PDSS2: variants seen among roughly 807,000 people sequenced by gnomAD.
The protein encoded by PDSS2 is decaprenyl diphosphate synthase subunit 2.
A neutral mutation model predicts 44.5 loss-of-function variants in PDSS2; 31 were observed. The ratio of observed to expected loss-of-function variants is 0.70; its 90% CI spans 0.52 to 0.94. The LOEUF (loss-of-function observed/expected upper bound fraction) is 0.94, where lower values mean the gene tolerates loss of function less well. Ranked by LOEUF, PDSS2 falls within the 40% of genes least tolerant of loss-of-function variation. PDSS2 has a pLI of 0.00. For synonymous variants in PDSS2, 157 were observed against 180.3 expected (o/e 0.87, Z 1.03); for missense variants, 452 against 482.2 (o/e 0.94, Z 0.59).
intron 7 of PDSS2, among the ~76,000 whole-genome samples, chr6:107,166,762 T>G (rs1771366630): frequency 6.6e-6 from 1 of 152,218 alleles, no homozygotes; most frequent in African/African-American, 2.4e-5. Flanking sequence ...TGGTTCTGTT[T>G]ATATGCTGGA....
chr6:107,455,183 A>ACT (rs1205175066), intron 1 of PDSS2, among the ~76,000 whole-genome samples: 11 of 150,290 alleles, frequency 7.3e-5, no homozygotes, highest in African/African-American at 2.7e-4. Flanking sequence ...AACAATTAGG[A>ACT]AAGTTTCAGA....
intron 7 of PDSS2, among the ~76,000 whole-genome samples, chr6:107,173,591 A>C (rs1055457989): frequency 1.3e-5 from 2 of 150,126 alleles, no homozygotes; most frequent in Non-Finnish European, 3.0e-5. Context: ...AAAAAAAAAA[A>C]AAAAAACGCT....
chr6:107,369,683 C>T (rs973709839), intron 1 of PDSS2, among the ~76,000 whole-genome samples: 2 of 152,034 alleles, frequency 1.3e-5, no homozygotes, highest in Non-Finnish European at 2.9e-5. Context: ...GGTGCCAGTA[C>T]CAATCTCCAT....
intron 7 of PDSS2, among the ~76,000 whole-genome samples, chr6:107,160,783 T>A (rs574123168): frequency 6.6e-6 from 1 of 151,918 alleles, no homozygotes; most frequent in East Asian, 1.9e-4. Context: ...TGAAAACAGA[T>A]CAGTATGAAA....
At chr6:107,223,141 G>A (rs1271555442) in intron 4 of PDSS2, among the ~76,000 whole-genome samples, 2 of 150,506 alleles carry the variant, frequency 1.3e-5, no homozygotes, top group African/African-American at 5.0e-5. Context: ...GCAGAGGCCA[G>A]GATGGTCTCG....
intron 7 of PDSS2, among the ~76,000 whole-genome samples, chr6:107,170,096 C>T (rs1403420663): frequency 6.6e-6 from 1 of 152,216 alleles, no homozygotes; most frequent in Non-Finnish European, 1.5e-5. Context: ...CAGAGGCAGG[C>T]AGGTCTCCTT....
intron 3 of PDSS2, among the ~76,000 whole-genome samples, chr6:107,269,485 T>C (rs970648401): frequency 6.6e-6 from 1 of 152,096 alleles, no homozygotes; most frequent in Non-Finnish European, 1.5e-5. Flanking sequence ...TTTGAGTTGT[T>C]ACTGTTTATA....
chr6:107,300,537 CAGGTGGT>C (rs1406562878), intron 2 of PDSS2, among the ~76,000 whole-genome samples: 1 of 152,118 alleles, frequency 6.6e-6, no homozygotes, highest in Admixed American at 6.6e-5. Flanking sequence ...CCCAACCCAT[CAGGTGGT>C]AAAAAGGGCT....
chr6:107,415,799 T>C lies in PDSS2; in HGVS notation c.296+43191A>G, dbSNP rs144936988. ...TGGAAGTAGTGCCACAGGTTGTTCCTTCTGCTATCAGTCTTAAGTGGTGGA... is the reference window on the plus strand; with the variant it reads ...TGGAAGTAGTGCCACAGGTTGTTCCCTCTGCTATCAGTCTTAAGTGGTGGA... On this transcript the variant is annotated intron_variant, in intron 1 of 7. Coordinates refer to ENST00000369037, the MANE Select transcript of PDSS2 (RefSeq NM_020381.4). 3.3e-3 allele frequency among the ~76,000 whole-genome samples: 506 copies of C among 152,324 alleles called. 3 individuals are homozygous for C. The highest frequency in any genetic ancestry group is 0.012 in the African/African-American group (486 of 41,562).
intron 2 of PDSS2, among the ~76,000 whole-genome samples, chr6:107,319,232 G>C (rs1777308238): frequency 6.6e-6 from 1 of 151,998 alleles, no homozygotes; most frequent in Admixed American, 6.6e-5. Flanking sequence ...TATACCTTCA[G>C]GGAGTGTAAA....
intron 2 of PDSS2, among the ~76,000 whole-genome samples, chr6:107,310,635 C>T (rs1349353808): frequency 3.3e-5 from 5 of 152,270 alleles, no homozygotes; most frequent in South Asian, 2.1e-4. Context: ...CATTTACTAC[C>T]GCTTTAAAAT....
At chr6:107,337,320 C>T (rs1468095235) in intron 1 of PDSS2, among the ~76,000 whole-genome samples, 1 of 152,034 alleles carries the variant, frequency 6.6e-6, no homozygotes, top group Non-Finnish European at 1.5e-5. Flanking sequence ...GGATTTGATC[C>T]CAGGCCAACA....
intron 2 of PDSS2, among the ~76,000 whole-genome samples, chr6:107,282,620 C>T (rs989573423): frequency 1.3e-5 from 2 of 151,582 alleles, no homozygotes; most frequent in Non-Finnish European, 2.9e-5. Flanking sequence ...AATCCCAGCA[C>T]TTTGGGAGGC....
chr6:107,409,719 A>C (rs1218886945), intron 1 of PDSS2, among the ~76,000 whole-genome samples: 1 of 152,206 alleles, frequency 6.6e-6, no homozygotes, highest in Non-Finnish European at 1.5e-5. Flanking sequence ...AACTCATGTA[A>C]TCCTCACTAT....
intron 6 of PDSS2, among the ~76,000 whole-genome samples, chr6:107,209,975 T>TCCCC (rs890651477): frequency 1.7e-4 from 26 of 151,860 alleles, no homozygotes; most frequent in African/African-American, 6.0e-4. Context: ...CATGCTTTTT[T>TCCCC]CCCCCCCGCT....
chr6:107,422,706 CAT>C (rs1462593352), intron 1 of PDSS2, among the ~76,000 whole-genome samples: 14 of 152,118 alleles, frequency 9.2e-5, no homozygotes, highest in African/African-American at 1.4e-4. Flanking sequence ...AAAATATACA[CAT>C]GTGATAAACC....
At chr6:107,185,109 T>G in intron 7 of PDSS2, among the ~76,000 whole-genome samples, 1 of 111,042 alleles carries the variant, frequency 9.0e-6, no homozygotes, top group African/African-American at 3.7e-5. Context: ...GACAACATAG[T>G]GAGACCTTAT....
At chr6:107,442,375 C>A (rs922327331) in intron 1 of PDSS2, among the ~76,000 whole-genome samples, 6 of 152,142 alleles carry the variant, frequency 3.9e-5, no homozygotes, top group African/African-American at 1.4e-4. Flanking sequence ...TGAGATCACA[C>A]CACTGCACTC....
intron 6 of PDSS2, among the ~76,000 whole-genome samples, chr6:107,199,114 G>A (rs1204933109): frequency 6.6e-6 from 1 of 152,080 alleles, no homozygotes; most frequent in Non-Finnish European, 1.5e-5. Context: ...AGTTAATTTG[G>A]GAGAAGCGAT....
Sources: allele counts gnomAD v4.1 joint callset (sites outside exome capture counted in the v4.1 genomes callset), GRCh38; gene constraint gnomAD v4.1.1; transcripts MANE v1.5; gene names NCBI Gene and HGNC (gene_info 2026-07-23, HGNC 2026-07-21).